The following IFT46 variants were observed in gnomAD, a reference collection of about 807,000 sequenced individuals.
IFT46 encodes intraflagellar transport 46.
IFT46 carries 19 observed loss-of-function variants against 39.6 expected under a neutral mutation model. The observed-to-expected ratio is 0.48, with a 90% CI of 0.33 to 0.70. The LOEUF (loss-of-function observed/expected upper bound fraction) is 0.70. Ranked by LOEUF, IFT46 falls within the 30% of genes least tolerant of loss-of-function variation. The pLI is 0.01. For missense variants in IFT46, 334 were observed against 364.8 expected (o/e 0.92, Z 0.69); for synonymous variants, 117 against 134.8 (o/e 0.87, Z 0.91).
chr11:118,557,074 G>C, intron 3 of IFT46, 29 bp from the exon 4 acceptor site: 1 of 1,538,124 alleles, frequency 6.5e-7, no homozygotes, highest in Non-Finnish European at 8.8e-7. Flanking sequence ...GGCATAGAAA[G>C]CTTCAAGTAA....
chr11:118,552,979 C>T (rs1290123206), intron 7 of IFT46, among the ~76,000 whole-genome samples: 1 of 150,652 alleles, frequency 6.6e-6, no homozygotes, highest in African/African-American at 2.4e-5. Flanking sequence ...GTCCCGGCTA[C>T]TTGGGAGGCT....
At chr11:118,546,164 G>C in intron 9 of IFT46, 1 of 718,426 alleles carries the variant, frequency 1.4e-6, no homozygotes, top group Non-Finnish European at 2.6e-6. Flanking sequence ...GAAGACCATG[G>C]GAAGACACAG....
upstream of IFT46, among the ~76,000 whole-genome samples, chr11:118,567,074 C>T (rs1285326921): frequency 6.6e-6 from 1 of 151,798 alleles, no homozygotes; most frequent in South Asian, 2.1e-4. Context: ...CCCCTCCACT[C>T]TATTAAAAAT....
chr11:118,551,864 A>C lies in IFT46; in HGVS notation c.606-12T>G. The stretch of plus-strand genomic sequence containing the variant: ...TGTCGGGCATGGGCCTAAAAGTATA[A>C]AGGTAAATATGAACAAGAAACGTGA... On this transcript the variant is annotated splice_polypyrimidine_tract_variant and intron_variant, in intron 8 of 11. Coordinates refer to ENST00000264021, the MANE Select transcript of IFT46 (RefSeq NM_001168618.2). 6.2e-7 allele frequency: 1 copy of C among 1,612,866 alleles called. No individual in the cohort carries two copies. The highest frequency in any genetic ancestry group is 8.5e-7 in the Non-Finnish European group (1 of 1,178,938).
chr11:118,556,957 G>A lies in IFT46; in HGVS notation c.134C>T (p.Thr45Ile), dbSNP rs891880050. ...DDDDDDDSSE[T>I]DSDSDDDDEE... ...ATCATCATCATCAGAATCAGAATCA[G>A]TTTCAGATGAATCATCATCATCATC... Residue 45 changes from threonine (T) to isoleucine (I), a missense_variant, in exon 4 of 12, where the codon ACT becomes ATT. Transcript: ENST00000264021. 1 of 1,610,836 alleles carries A rather than the reference G, an allele frequency of 6.2e-7. No homozygotes were observed. The highest frequency in any genetic ancestry group is 1.7e-5 in the Admixed American group (1 of 59,894).
At chr11:118,576,666 A>G (rs1555073707), upstream of IFT46, among the ~76,000 whole-genome samples, 2 of 152,194 alleles carry the variant, frequency 1.3e-5, no homozygotes, top group Non-Finnish European at 2.9e-5. Context: ...AGAGGTGACC[A>G]TACCTTCTAG....
intron 7 of IFT46, among the ~76,000 whole-genome samples, chr11:118,553,389 C>A (rs1312390872): frequency 6.7e-6 from 1 of 148,186 alleles, no homozygotes; most frequent in Non-Finnish European, 1.5e-5. Flanking sequence ...TGTGGTGAGC[C>A]AAGATCACGC....
chr11:118,572,398 T>G (rs1306140656), intron 1 of IFT46: 7 of 289,620 alleles, frequency 2.4e-5, no homozygotes, highest in African/African-American at 1.8e-4. Context: ...AAGACGTGGC[T>G]TGGGGCCGCC....
intron 2 of IFT46, among the ~76,000 whole-genome samples, chr11:118,563,968 G>A (rs1321090118): frequency 5.3e-5 from 8 of 150,468 alleles, no homozygotes; most frequent in African/African-American, 1.2e-4. Context: ...TTGGGAGGCC[G>A]AGGCAGGTGG....
At chr11:118,570,438 C>T (rs1938313852), upstream of IFT46, among the ~76,000 whole-genome samples, 1 of 152,064 alleles carries the variant, frequency 6.6e-6, no homozygotes, top group South Asian at 2.1e-4. Flanking sequence ...TTTTTTGATC[C>T]TCAGTATCTT....
At chr11:118,554,181 G>A (rs551255837) in intron 7 of IFT46, among the ~76,000 whole-genome samples, 7 of 151,266 alleles carry the variant, frequency 4.6e-5, no homozygotes. Flanking sequence ...CTCCTGAGTA[G>A]CTGGGACTAC....
intron 1 of IFT46, among the ~76,000 whole-genome samples, chr11:118,565,397 T>C (rs1938190562): frequency 6.7e-6 from 1 of 150,112 alleles, no homozygotes; most frequent in Non-Finnish European, 1.5e-5. Flanking sequence ...CCAAGGCTGT[T>C]GAGGTTTCTC....
At chr11:118,576,426 T>TA (rs10671866), upstream of IFT46, among the ~76,000 whole-genome samples, 39,639 of 108,410 alleles carry the variant, frequency 0.37, 7,785 homozygotes, top group Non-Finnish European at 0.47. Context: ...CCAAAAATGT[T>TA]AAAAAAAAAA....
intron 2 of IFT46, chr11:118,560,913 G>A (rs1938034596): frequency 1.1e-6 from 1 of 917,852 alleles, no homozygotes; most frequent in Non-Finnish European, 1.8e-6. Flanking sequence ...GATATAGTCT[G>A]CGCAGCATAT....
At chr11:118,546,145 T>C (rs1555067090) in intron 9 of IFT46, 1 of 718,334 alleles carries the variant, frequency 1.4e-6, no homozygotes, top group East Asian at 2.7e-5. Context: ...CAAAGACGCA[T>C]AACAGAGGGA....
At chr11:118,545,540 G>A in intron 10 of IFT46, 46 bp from the exon 11 acceptor site, 1 of 1,474,486 alleles carries the variant, frequency 6.8e-7, no homozygotes, top group Non-Finnish European at 9.5e-7. Context: ...ACAAACTCCG[G>A]GAATTAGAGG....
At position 118,563,714 on chromosome 11, in the gene IFT46, C is replaced by T. The variant is rs138754671; in HGVS notation, c.-36+1251G>A. ...ACCTCTCTGATCTGACCATATCATACGGTAGTGTCCCCTCTACCATAAGCT... is the reference window on the plus strand; with the variant it reads ...ACCTCTCTGATCTGACCATATCATATGGTAGTGTCCCCTCTACCATAAGCT... On this transcript the variant is annotated intron_variant, in intron 2 of 11. Transcript: ENST00000264021. Among the ~76,000 whole-genome samples, 63 of 152,304 alleles carry T rather than the reference C, an allele frequency of 4.1e-4. No homozygotes were observed. In the East Asian group the frequency reaches 7.7e-3, roughly 19 times the overall value.
Position 118,559,869 on chromosome 11 carries a change from G to GA in IFT46, c.-35-6dup. 6.4e-7 allele frequency: 1 copy of GA among 1,564,144 alleles called. No individual in the cohort carries two copies. The highest frequency in any genetic ancestry group is 8.8e-7 in the Non-Finnish European group (1 of 1,142,822). On this transcript the variant is annotated splice_region_variant and splice_polypyrimidine_tract_variant and intron_variant, in intron 2 of 11. Coordinates refer to ENST00000264021, the MANE Select transcript of IFT46 (RefSeq NM_001168618.2). ...GATGGGCAGAACGAGGAAGTCCTTA[G>GA]AAAAAAAGTTTTTCCTTTAGATTAT...
At chr11:118,572,004 C>A (rs1938346366) in intron 1 of IFT46, among the ~76,000 whole-genome samples, 1 of 151,198 alleles carries the variant, frequency 6.6e-6, no homozygotes, top group Non-Finnish European at 1.5e-5. Context: ...GCAGAAGAAT[C>A]GCTTGAACCT....
Sources: allele counts gnomAD v4.1 joint callset (sites outside exome capture counted in the v4.1 genomes callset), GRCh38; gene constraint gnomAD v4.1.1; transcripts MANE v1.5; gene names NCBI Gene and HGNC (gene_info 2026-07-23, HGNC 2026-07-21).